GPHN: variants seen among roughly 807,000 people sequenced by gnomAD.
GPHN encodes the protein gephyrin.
Under a neutral mutation model 95.5 loss-of-function variants are expected in GPHN, and 17 were observed. That is an observed-to-expected ratio of 0.18 (90% CI 0.12 to 0.27). The LOEUF is 0.27. GPHN is among the 10% of genes least tolerant of loss of function. The pLI is 1.00. For missense variants in GPHN, 660 were observed against 978.1 expected (o/e 0.67, Z 4.34); for synonymous variants, 320 against 322.5 (o/e 0.99, Z 0.08).
At chr14:66,544,800 A>T (rs1441024683) in intron 1 of GPHN, among the ~76,000 whole-genome samples, 1 of 151,950 alleles carries the variant, frequency 6.6e-6, no homozygotes, top group Admixed American at 6.6e-5. Flanking sequence ...CTTAAGGAGC[A>T]TGCTGCCTTC....
At chr14:67,496,393 T>TTTTTG in the GPHN span, among the ~76,000 whole-genome samples, 3 of 58,142 alleles carry the variant, frequency 5.2e-5, no homozygotes, top group Non-Finnish European at 1.0e-4. Context: ...GCTCCGGCGT[T>TTTTTG]TTTTTTTTTT....
chr14:67,159,959 G>A (rs558154682), intron 19 of GPHN, among the ~76,000 whole-genome samples: 2 of 152,076 alleles, frequency 1.3e-5, no homozygotes, highest in African/African-American at 4.8e-5. Context: ...ACTAACAACA[G>A]CATTCTCTTA....
chr14:66,837,680 C>T (rs2061907074), intron 4 of GPHN, among the ~76,000 whole-genome samples: 1 of 150,500 alleles, frequency 6.6e-6, no homozygotes, highest in Admixed American at 6.6e-5. Context: ...TTGAAAGGGT[C>T]CTATTCCACA....
At chr14:66,526,428 CAG>C (rs1359705642) in intron 1 of GPHN, among the ~76,000 whole-genome samples, 3 of 152,178 alleles carry the variant, frequency 2.0e-5, no homozygotes, top group African/African-American at 7.2e-5. Flanking sequence ...TATCTGCAAA[CAG>C]AGACAATTTG....
At chr14:67,036,141 A>G (rs141014303) in intron 10 of GPHN, among the ~76,000 whole-genome samples, 13 of 152,034 alleles carry the variant, frequency 8.6e-5, no homozygotes, top group Non-Finnish European at 1.9e-4. Context: ...ATCATCTCAA[A>G]AGGTGCAGAA....
intron 2 of GPHN, among the ~76,000 whole-genome samples, chr14:66,713,029 G>A (rs898459722): frequency 6.6e-6 from 1 of 152,040 alleles, no homozygotes; most frequent in African/African-American, 2.4e-5. Flanking sequence ...TTTTGAGTTT[G>A]TTGTATATTT....
chr14:67,325,979 CT>C, the GPHN span, among the ~76,000 whole-genome samples: 279 of 110,212 alleles, frequency 2.5e-3, 1 homozygote, highest in African/African-American at 8.3e-3. Flanking sequence ...CGGCTCTTTT[CT>C]TTTTTTTTTT....
intron 1 of GPHN, among the ~76,000 whole-genome samples, chr14:66,642,701 T>C (rs1181447356): frequency 6.6e-6 from 1 of 152,030 alleles, no homozygotes; most frequent in African/African-American, 2.4e-5. Flanking sequence ...AAGAAAACTA[T>C]TACTTCCAGG....
At chr14:66,577,420 T>G (rs2060952752) in intron 1 of GPHN, among the ~76,000 whole-genome samples, 1 of 152,178 alleles carries the variant, frequency 6.6e-6, no homozygotes, top group Non-Finnish European at 1.5e-5. Context: ...ACACCAGTGC[T>G]TCTTAAGTTT....
chr14:66,968,504 T>A (rs2069504540), intron 9 of GPHN, among the ~76,000 whole-genome samples: 1 of 152,112 alleles, frequency 6.6e-6, no homozygotes. Flanking sequence ...ATGCACAGAT[T>A]TTCATGCACA....
At chr14:67,221,054 G>C in the GPHN span, among the ~76,000 whole-genome samples, 1 of 152,106 alleles carries the variant, frequency 6.6e-6, no homozygotes, top group Non-Finnish European at 1.5e-5. Context: ...TGTGACTTAA[G>C]TTTATGTTTT....
the GPHN span, among the ~76,000 whole-genome samples, chr14:67,389,241 T>C: frequency 6.6e-6 from 1 of 151,966 alleles, no homozygotes; most frequent in Non-Finnish European, 1.5e-5. Flanking sequence ...CTGGAAATAT[T>C]TGTACTACTA....
chr14:66,728,635 C>T (rs2071475272), intron 2 of GPHN, among the ~76,000 whole-genome samples: 2 of 152,224 alleles, frequency 1.3e-5, no homozygotes, highest in African/African-American at 4.8e-5. Context: ...GCTTTAGCCC[C>T]TTTGTTTTGG....
chr14:67,582,071 T>C, the GPHN span: 2 of 1,609,062 alleles, frequency 1.2e-6, no homozygotes, highest in Non-Finnish European at 1.7e-6. This position sits in a 1 kb window ranked among gnomAD's most constrained non-coding sequence, Gnocchi z 5.0. Flanking sequence ...CTTTGTAGGC[T>C]GTACTTTCGC....
intron 1 of GPHN, among the ~76,000 whole-genome samples, chr14:66,647,100 C>G (rs573928378): frequency 1.3e-5 from 2 of 148,792 alleles, no homozygotes; most frequent in South Asian, 2.2e-4. Flanking sequence ...AAGTCAGGGT[C>G]TCACTATGTT....
chr14:67,562,274 G>T, the GPHN span: 1 of 1,613,622 alleles, frequency 6.2e-7, no homozygotes, highest in Non-Finnish European at 8.5e-7. Context: ...GAAGGCAGCT[G>T]TGCTTGCACC....
chr14:67,278,117 G>T, the GPHN span, among the ~76,000 whole-genome samples: 1 of 151,358 alleles, frequency 6.6e-6, no homozygotes, highest in Non-Finnish European at 1.5e-5. Flanking sequence ...GCTCACTGCG[G>T]CCTCTGCCTC....
At chr14:67,620,002 C>T in the GPHN span, 4 of 1,608,202 alleles carry the variant, frequency 2.5e-6, no homozygotes, top group South Asian at 1.1e-5. Flanking sequence ...CAGCCTCTCG[C>T]GTCTCCTCCA....
the GPHN span, among the ~76,000 whole-genome samples, chr14:67,329,388 G>A: frequency 1.3e-5 from 2 of 152,168 alleles, no homozygotes; most frequent in African/African-American, 2.4e-5. Flanking sequence ...CTGAGACGAT[G>A]GAGTTTTCTA....
Sources: allele counts gnomAD v4.1 joint callset (sites outside exome capture counted in the v4.1 genomes callset), GRCh38; gene constraint gnomAD v4.1.1; non-coding constraint Gnocchi (gnomAD v3.1); transcripts MANE v1.5; gene names NCBI Gene and HGNC (gene_info 2026-07-23, HGNC 2026-07-21).